ZFAND3: variants seen among roughly 807,000 people sequenced by gnomAD.
The protein encoded by ZFAND3 is zinc finger AN1-type containing 3, also known as AN1-type zinc finger protein 3.
In ZFAND3, 10 loss-of-function variants were observed where a neutral mutation model predicts 29.6. That is an observed-to-expected ratio of 0.34 (90% CI 0.21 to 0.57). ZFAND3 has a LOEUF of 0.57. ZFAND3 is among the 20% of genes least tolerant of loss of function. The pLI is 0.86. For missense variants in ZFAND3, 230 were observed against 304.5 expected, an observed-to-expected ratio of 0.76 and a Z score of 1.82; for synonymous variants, 128 against 112.6, an observed-to-expected ratio of 1.14 and a Z score of -0.87.
At chr6:38,044,670 G>A (rs1190240838) in intron 2 of ZFAND3, among the ~76,000 whole-genome samples, 1 of 152,192 alleles carries the variant, frequency 6.6e-6, no homozygotes, top group African/African-American at 2.4e-5. Flanking sequence ...AGCCTTTCTT[G>A]ACATGCTAGT....
intron 1 of ZFAND3, among the ~76,000 whole-genome samples, chr6:37,907,410 C>G (rs1765428370): frequency 6.6e-6 from 1 of 152,146 alleles, no homozygotes; most frequent in African/African-American, 2.4e-5. Flanking sequence ...GTTCGCGCCC[C>G]TTGGTGAACA....
At chr6:37,915,811 C>T (rs1364963630) in intron 1 of ZFAND3, 3 of 152,084 alleles carry the variant, frequency 2.0e-5, no homozygotes, top group East Asian at 1.9e-4. Context: ...CTCTTGTTGC[C>T]CAAGCTGGAG....
At chr6:38,073,393 T>C (rs1384351130) in intron 3 of ZFAND3, among the ~76,000 whole-genome samples, 2 of 151,428 alleles carry the variant, frequency 1.3e-5, no homozygotes, top group Admixed American at 6.6e-5. Flanking sequence ...AATGTTGTTA[T>C]GAGAATCATG....
intron 4 of ZFAND3, among the ~76,000 whole-genome samples, chr6:38,106,681 TTGTGTG>T (rs71677053): frequency 1.3e-5 from 2 of 150,790 alleles, no homozygotes; most frequent in Non-Finnish European, 3.0e-5. Context: ...CGCTAGTTGT[TTGTGTG>T]TGTGTGTGTG....
chr6:38,117,256 C>T (rs73730891), intron 5 of ZFAND3, among the ~76,000 whole-genome samples: 136 of 96,358 alleles, frequency 1.4e-3, no homozygotes, highest in Non-Finnish European at 1.9e-3. Context: ...TTGAAATAGC[C>T]TTTTTTTTTT....
intron 5 of ZFAND3, among the ~76,000 whole-genome samples, chr6:38,124,277 C>T (rs959368764): frequency 5.3e-4 from 81 of 152,374 alleles, no homozygotes; most frequent in Non-Finnish European, 2.8e-4. Flanking sequence ...CAGTGGATAC[C>T]GCACTGGAGC....
At chr6:37,971,654 G>A (rs1404849031) in intron 2 of ZFAND3, among the ~76,000 whole-genome samples, 1 of 152,036 alleles carries the variant, frequency 6.6e-6, no homozygotes, top group Non-Finnish European at 1.5e-5. Context: ...TCTTGCATTT[G>A]TATCAGATTC....
At chr6:38,138,784 G>A (rs1276400825) in intron 5 of ZFAND3, among the ~76,000 whole-genome samples, 1 of 152,172 alleles carries the variant, frequency 6.6e-6, no homozygotes, top group Non-Finnish European at 1.5e-5. Flanking sequence ...CAGAGAAGAT[G>A]AGGAGATAAA....
chr6:37,857,566 G>T (rs1411662820), intron 1 of ZFAND3, among the ~76,000 whole-genome samples: 1 of 152,188 alleles, frequency 6.6e-6, no homozygotes, highest in Non-Finnish European at 1.5e-5. Flanking sequence ...TTGAAATGAT[G>T]TGTGATTTAT....
chr6:37,999,234 A>G (rs1217613971), intron 2 of ZFAND3, among the ~76,000 whole-genome samples: 6 of 152,248 alleles, frequency 3.9e-5, no homozygotes, highest in Non-Finnish European at 8.8e-5. Flanking sequence ...AATACTAACA[A>G]GTTGTAACCC....
intron 2 of ZFAND3, among the ~76,000 whole-genome samples, chr6:37,951,191 A>G (rs934560076): frequency 6.6e-6 from 1 of 152,176 alleles, no homozygotes; most frequent in Non-Finnish European, 1.5e-5. Context: ...TTGTTGATGT[A>G]TAGAAATGCT....
intron 2 of ZFAND3, among the ~76,000 whole-genome samples, chr6:37,969,636 A>C (rs1762351790): frequency 6.6e-6 from 1 of 152,222 alleles, no homozygotes; most frequent in Non-Finnish European, 1.5e-5. Flanking sequence ...ATGTAACTCA[A>C]ACCATTGAAC....
chr6:37,862,788 C>CTATT (rs1764517499), intron 1 of ZFAND3, among the ~76,000 whole-genome samples: 1 of 151,924 alleles, frequency 6.6e-6, no homozygotes, highest in Admixed American at 6.6e-5. Context: ...CAGAACATCT[C>CTATT]CACGTATTCA....
Position 37,820,024 on chromosome 6 carries a change from C to T in ZFAND3, c.71+8C>T, listed in dbSNP as rs906220570. On this transcript the variant is annotated splice_region_variant and intron_variant, in intron 1 of 5. Transcript: ENST00000287218. Reference sequence around the variant, plus strand: ...TCCCTGCGGCTTCTGGGGGTAAGTGCCCGGCCGGGTGGGGGCGGGGGGCGG... The same window carrying T: ...TCCCTGCGGCTTCTGGGGGTAAGTGTCCGGCCGGGTGGGGGCGGGGGGCGG... 2.5e-6 allele frequency: 3 copies of T among 1,211,894 alleles called. No homozygotes were observed. Among genetic ancestry groups the T allele is most frequent in the Non-Finnish European group, 3.1e-6 (3 of 976,916 alleles). The allele number at this position is 1,211,894 out of a possible 1,614,324, so 75.1% of individuals were successfully genotyped here.
intron 3 of ZFAND3, among the ~76,000 whole-genome samples, chr6:38,068,281 A>G (rs1263538908): frequency 6.6e-6 from 1 of 152,214 alleles, no homozygotes; most frequent in Non-Finnish European, 1.5e-5. Context: ...AAAAAATCAA[A>G]TAAATATTTT....
chr6:38,029,259 G>A (rs1763504717), intron 2 of ZFAND3, among the ~76,000 whole-genome samples: 6 of 152,082 alleles, frequency 3.9e-5, no homozygotes, highest in Admixed American at 3.9e-4. Flanking sequence ...CGGGTGGGTG[G>A]CCCTTCTTTC....
intron 5 of ZFAND3, among the ~76,000 whole-genome samples, chr6:38,118,764 G>GAAAAA (rs60723647): frequency 4.3e-5 from 6 of 139,640 alleles, no homozygotes; most frequent in African/African-American, 1.6e-4. Flanking sequence ...TGAAAAAAAA[G>GAAAAA]AAAAAAAAAA....
intron 2 of ZFAND3, among the ~76,000 whole-genome samples, chr6:38,058,960 G>A (rs944924880): frequency 2.0e-5 from 3 of 152,176 alleles, no homozygotes; most frequent in African/African-American, 7.2e-5. Flanking sequence ...TAATGATTCT[G>A]ATGAAGTTAT....
intron 2 of ZFAND3, among the ~76,000 whole-genome samples, chr6:38,041,099 G>A (rs1342116931): frequency 6.6e-6 from 1 of 152,108 alleles, no homozygotes; most frequent in Non-Finnish European, 1.5e-5. Context: ...GTATGGGCCA[G>A]TTATTTTGTA....
Sources: gnomAD v4.1 joint callset for allele counts (sites outside exome capture counted in the v4.1 genomes callset) on GRCh38, gnomAD v4.1.1 for gene constraint, MANE v1.5 for transcripts, NCBI Gene and HGNC (gene_info 2026-07-23, HGNC 2026-07-21) for gene names.